The following SPEF2 variants were observed in gnomAD, a reference collection of about 807,000 sequenced individuals.
SPEF2 encodes the protein sperm flagella and cilia-associated protein 2.
Under a neutral mutation model 224.6 loss-of-function variants are expected in SPEF2, and 187 were observed. That is an observed-to-expected ratio of 0.83 (90% CI 0.74 to 0.94). The LOEUF (loss-of-function observed/expected upper bound fraction) is 0.94. Ranked by LOEUF, SPEF2 falls within the 40% of genes least tolerant of loss-of-function variation. SPEF2 has a pLI of 0.00. For missense variants in SPEF2, 2,170 were observed against 2,135.6 expected (o/e 1.02, Z -0.32); for synonymous variants, 715 against 707.3 (o/e 1.01, Z -0.17).
At chr5:35,707,589 T>G (rs1184439290) in intron 18 of SPEF2, among the ~76,000 whole-genome samples, 1 of 151,996 alleles carries the variant, frequency 6.6e-6, no homozygotes, top group Non-Finnish European at 1.5e-5. Flanking sequence ...GTACATTGAG[T>G]AGAGCTGTGG....
rs1034656119 is a variant in SPEF2, at chr5:35,628,562, G to T, written c.161G>T (p.Arg54Met). ...QDDFSEFLDS[R>M]VSSAKLNNFS... ...GATTTTTCAGAATTTTTGGACAGCA[G>T]GTTAGTGAGATTATTCCTTTTTGTT... is the stretch of plus-strand genomic sequence containing the variant. The change falls in exon 2 of 37, where the codon AGG (arginine) becomes ATG (methionine). Residue 54 changes from arginine to methionine, a missense_variant and splice_region_variant. Transcript: ENST00000356031. 6.3e-7 allele frequency: 1 copy of T among 1,594,658 alleles called. No homozygotes were observed. The highest frequency in any genetic ancestry group is 1.7e-5 in the Admixed American group (1 of 59,824).
chr5:35,628,428 C>T (rs546169800), intron 1 of SPEF2, 32 bp from the exon 2 acceptor site: 1 of 1,418,622 alleles, frequency 7.0e-7, no homozygotes, highest in Admixed American at 1.7e-5. Context: ...ACATTGTATT[C>T]ATGGTTTTTA....
intron 10 of SPEF2, among the ~76,000 whole-genome samples, chr5:35,673,801 G>A (rs566654956): frequency 6.6e-5 from 10 of 152,186 alleles, no homozygotes; most frequent in East Asian, 5.8e-4. Context: ...ATGATTTTCC[G>A]TCAACCAGAC....
At chr5:35,787,426 C>T (rs977466078) in intron 30 of SPEF2, among the ~76,000 whole-genome samples, 2 of 152,046 alleles carry the variant, frequency 1.3e-5, no homozygotes, top group African/African-American at 4.8e-5. Flanking sequence ...TAGCTAAAAG[C>T]CATGTCACTC....
chr5:35,780,044 G>A (rs967100436), intron 30 of SPEF2, among the ~76,000 whole-genome samples: 1 of 152,192 alleles, frequency 6.6e-6, no homozygotes, highest in Admixed American at 6.5e-5. Context: ...TAAAGGTCTA[G>A]ATACTGACTC....
At chr5:35,716,755 A>G (rs185009160) in intron 20 of SPEF2, among the ~76,000 whole-genome samples, 11 of 152,288 alleles carry the variant, frequency 7.2e-5, no homozygotes, top group Admixed American at 3.9e-4. Flanking sequence ...TAATATTTCA[A>G]ATTAACTCCA....
intron 10 of SPEF2, among the ~76,000 whole-genome samples, chr5:35,682,005 A>G (rs1307051907): frequency 1.3e-5 from 2 of 152,200 alleles, no homozygotes; most frequent in Non-Finnish European, 2.9e-5. Context: ...AGGATTGTTA[A>G]TGGCTACAAC....
chr5:35,768,615 CTT>C lies in SPEF2; in HGVS notation c.3802-2993_3802-2992del, dbSNP rs537149974. Among the ~76,000 whole-genome samples the C allele has an allele frequency of 4.0e-3, 605 of 152,174 alleles. 3 individuals are homozygous for C. Among genetic ancestry groups the C allele is most frequent in the African/African-American group, 0.014 (579 of 41,538 alleles). ...GTGTTTTAGAAACTATATATTTTAACTTATCTCTACGTTAAGAAATGCATTAA... is the reference window on the plus strand; with the variant it reads ...GTGTTTTAGAAACTATATATTTTAACATCTCTACGTTAAGAAATGCATTAA... On this transcript the variant is annotated intron_variant, in intron 26 of 36. Coordinates refer to ENST00000356031, the MANE Select transcript of SPEF2 (RefSeq NM_024867.4).
chr5:35,724,491 T>C (rs764712636), intron 20 of SPEF2, among the ~76,000 whole-genome samples: 1 of 152,174 alleles, frequency 6.6e-6, no homozygotes, highest in Non-Finnish European at 1.5e-5. Flanking sequence ...TCTCTGAGTT[T>C]GCAAACTTCT....
chr5:35,790,998 C>T (rs1050548356), intron 30 of SPEF2: 4 of 152,142 alleles, frequency 2.6e-5, no homozygotes, highest in African/African-American at 9.7e-5. Context: ...GCCCCGTATC[C>T]ATTAGAGATT....
At chr5:35,700,396 A>G in intron 15 of SPEF2, 100 bp from the exon 16 acceptor site, 1 of 1,058,882 alleles carries the variant, frequency 9.4e-7, no homozygotes, top group Non-Finnish European at 1.4e-6. Flanking sequence ...TGCAGTAGGA[A>G]GTTATTGTGG....
At chr5:35,794,815 G>T (rs564551349) in intron 32 of SPEF2, among the ~76,000 whole-genome samples, 12 of 152,156 alleles carry the variant, frequency 7.9e-5, no homozygotes, top group Non-Finnish European at 7.3e-5. Flanking sequence ...GAGAAAGTTG[G>T]ATGCTGTGTT....
At chr5:35,653,237 A>T (rs1393268885) in intron 6 of SPEF2, among the ~76,000 whole-genome samples, 1 of 152,216 alleles carries the variant, frequency 6.6e-6, no homozygotes, top group Admixed American at 6.5e-5. Flanking sequence ...GACATGAGAT[A>T]GGACAAGAGC....
At chr5:35,760,357 CGT>C (rs1480303175) in intron 25 of SPEF2, among the ~76,000 whole-genome samples, 1 of 33,092 alleles carries the variant, frequency 3.0e-5, no homozygotes, top group Non-Finnish European at 9.3e-5. Flanking sequence ...AGGGAGACTC[CGT>C]CTAAAAAAAA....
intron 21 of SPEF2, among the ~76,000 whole-genome samples, chr5:35,730,708 T>C (rs1450166906): frequency 6.6e-6 from 1 of 152,166 alleles, no homozygotes; most frequent in African/African-American, 2.4e-5. Flanking sequence ...TAGGAGAAAG[T>C]ACTAATAAAG....
chr5:35,628,618 G>T, intron 2 of SPEF2, 56 bp downstream of exon 2: 2 of 1,277,430 alleles, frequency 1.6e-6, no homozygotes, highest in South Asian at 1.2e-5. Flanking sequence ...TTGAGACAAG[G>T]TCTTGTTCTG....
chr5:35,734,637 C>T (rs560066975), intron 21 of SPEF2, among the ~76,000 whole-genome samples: 5 of 151,764 alleles, frequency 3.3e-5, no homozygotes, highest in African/African-American at 1.2e-4. Context: ...GAGGCCTTTC[C>T]TGACCATGCT....
chr5:35,618,118 A>G, intron 1 of SPEF2, 63 bp downstream of exon 1: 2 of 1,521,664 alleles, frequency 1.3e-6, no homozygotes, highest in South Asian at 1.2e-5. Context: ...CCTGCAGCGC[A>G]GCGCAGCGCA....
chr5:35,706,162 A>G (rs1404806910), intron 18 of SPEF2, among the ~76,000 whole-genome samples: 1 of 151,956 alleles, frequency 6.6e-6, no homozygotes, highest in Non-Finnish European at 1.5e-5. Context: ...TAAGTAAAAA[A>G]TAATGAACAT....
Sources: allele counts gnomAD v4.1 joint callset (sites outside exome capture counted in the v4.1 genomes callset), GRCh38; gene constraint gnomAD v4.1.1; transcripts MANE v1.5; gene names NCBI Gene and HGNC (gene_info 2026-07-23, HGNC 2026-07-21).